The following GNA11 variants were observed in gnomAD, a reference collection of about 807,000 sequenced individuals.
The protein encoded by GNA11 is guanine nucleotide-binding protein subunit alpha-11.
A neutral mutation model predicts 38.2 loss-of-function variants in GNA11; 8 were observed. That is an observed-to-expected ratio of 0.21 (90% CI 0.12 to 0.38). The LOEUF (loss-of-function observed/expected upper bound fraction) is 0.38. Among genes scored for constraint, GNA11 ranks in the 10% least tolerant of loss-of-function variants. The probability of loss-of-function intolerance (pLI) is 1.00; values close to 1 mark genes in which losing one functional copy is unlikely to be tolerated. For synonymous variants in GNA11, 211 were observed against 221.4 expected (o/e 0.95, Z 0.42); for missense variants, 268 against 516.3 (o/e 0.52, Z 4.66).
At chr19:3,100,356 C>T (rs990297149) in intron 1 of GNA11, among the ~76,000 whole-genome samples, 1 of 152,230 alleles carries the variant, frequency 6.6e-6, no homozygotes, top group Non-Finnish European at 1.5e-5. Context: ...GACCCCTGAC[C>T]CGTGTGTCTT....
chr19:3,115,930 C>T (rs1242811056), intron 4 of GNA11, among the ~76,000 whole-genome samples: 4 of 73,022 alleles, frequency 5.5e-5, no homozygotes, highest in East Asian at 3.5e-4. Context: ...TCATGGGGAC[C>T]GAGGCTGTGA....
Position 3,118,910 on chromosome 19 carries a change from CTG to C in GNA11, c.606-10_606-9del. ...GGCGCCAGGTGGCTGAGTCCTGGCG[CTG>C]TGTCCTTTCAGGATGGTGGATGTGG... On this transcript the variant is annotated splice_polypyrimidine_tract_variant and intron_variant, in intron 4 of 6. Coordinates refer to ENST00000078429, the MANE Select transcript of GNA11 (RefSeq NM_002067.5). The C allele has an allele frequency of 6.2e-7, 1 of 1,607,198 alleles. No homozygotes were observed. The highest frequency in any genetic ancestry group is 2.2e-5 in the East Asian group (1 of 44,820).
chr19:3,099,111 T>A (rs1568278716), intron 1 of GNA11, among the ~76,000 whole-genome samples: 1 of 152,254 alleles, frequency 6.6e-6, no homozygotes, highest in East Asian at 1.9e-4. Context: ...GGAGCCTGTC[T>A]CTGTCTGGGA....
chr19:3,099,305 C>T (rs1023814145), intron 1 of GNA11, among the ~76,000 whole-genome samples: 1 of 152,198 alleles, frequency 6.6e-6, no homozygotes, highest in Non-Finnish European at 1.5e-5. Flanking sequence ...CTGGGCACCC[C>T]AGCTTGTGCG....
In GNA11 at chr19:3,122,811, C is replaced by T. The variant is rs1204473394; in HGVS notation, c.*1632C>T. The T allele has an allele frequency of 8.6e-6, 2 of 233,680 alleles. No individual in the cohort carries two copies. Among genetic ancestry groups the T allele is most frequent in the African/African-American group, 4.4e-5 (2 of 45,380 alleles). 14.5% of individuals were successfully genotyped at this position (233,680 alleles called of 1,614,324 possible). ...CCACTGTCAGGCCTGCCCTGGCCTC[C>T]TCGTCCGCAGGGCTGTCTGCTGGCT... On this transcript the variant is annotated 3_prime_UTR_variant, in exon 7 of 7. Transcript: ENST00000078429. The surrounding 1 kb of genome is among the most constrained non-coding windows in gnomAD (Gnocchi z 7.7).
intron 1 of GNA11, among the ~76,000 whole-genome samples, chr19:3,095,157 C>G (rs1913333703): frequency 6.6e-6 from 1 of 152,122 alleles, no homozygotes; most frequent in Non-Finnish European, 1.5e-5. Flanking sequence ...TCAGCCCCTG[C>G]CTTAACTGTT....
At position 3,122,092 on chromosome 19, in the gene GNA11, G is replaced by A. The variant is rs1002187712; in HGVS notation, c.*913G>A. 3 of 233,196 alleles carry A rather than the reference G, an allele frequency of 1.3e-5. No individual in the cohort carries two copies. Among genetic ancestry groups the A allele is most frequent in the Non-Finnish European group, 2.5e-5 (3 of 117,826 alleles). 14.4% of individuals were successfully genotyped at this position (233,196 alleles called of 1,614,324 possible). ...AGCGCACCCCACCGGAGCCCACGTG[G>A]GCTGGGCGGCTGGAGGGATGGTCCC... On this transcript the variant is annotated 3_prime_UTR_variant, in exon 7 of 7. Transcript: ENST00000078429. This position sits in a 1 kb window ranked among gnomAD's most constrained non-coding sequence, Gnocchi z 7.7.
In GNA11 at chr19:3,115,053, C is replaced by T. The variant is rs1210308648; in HGVS notation, c.586C>T (p.Leu196=). 2 of 1,613,276 alleles carry T rather than the reference C, an allele frequency of 1.2e-6. No individual in the cohort carries two copies. The highest frequency in any genetic ancestry group is 1.7e-6 in the Non-Finnish European group (2 of 1,179,864). Residue 196 remains leucine, a synonymous_variant, in exon 4 of 7, where the codon CTG becomes TTG. Transcript: ENST00000078429. ...TTGIIEYPFD[L]ENIIFRMVDV... ...CGGCATCATCGAGTACCCTTTCGAC[C>T]TGGAGAACATCATCTTCCGGTACCG... is the stretch of plus-strand genomic sequence containing the variant.
Position 3,118,946 on chromosome 19 carries a change from C to T in GNA11, c.628C>T (p.Arg210Trp), listed in dbSNP as rs767395295. 3 of 1,613,444 alleles carry T rather than the reference C, an allele frequency of 1.9e-6. No individual in the cohort carries two copies. The highest frequency in any genetic ancestry group is 2.5e-6 in the Non-Finnish European group (3 of 1,179,412). ...IFRMVDVGGQ[R>W]SERRKWIHCF... ...CAGGATGGTGGATGTGGGGGGCCAGCGGTCGGAGCGGAGGAAGTGGATCCA... is the reference window on the plus strand; with the variant it reads ...CAGGATGGTGGATGTGGGGGGCCAGTGGTCGGAGCGGAGGAAGTGGATCCA... The change falls in exon 5 of 7, where the codon CGG (arginine) becomes TGG (tryptophan). Residue 210 changes from arginine (R) to tryptophan (W), a missense_variant. Arg to Trp is a moderately radical substitution (Grantham distance 101). Transcript: ENST00000078429.
Position 3,108,937 on chromosome 19 carries a change from G to A in GNA11, c.137-1212G>A, listed in dbSNP as rs1240966921. On this transcript the variant is annotated intron_variant, in intron 1 of 6. Transcript: ENST00000078429. This position sits in a 1 kb window ranked among gnomAD's most constrained non-coding sequence, Gnocchi z 4.5. ...GGCCTCTCCGTGAAGCTGCTTGAGG[G>A]TCCTCACAGCGTGGCGGCTGCCTAC... Among the ~76,000 whole-genome samples the A allele has an allele frequency of 6.6e-6, 1 of 152,208 alleles. No homozygotes were observed. Among genetic ancestry groups the A allele is most frequent in the South Asian group, 2.1e-4 (1 of 4,834 alleles).
intron 2 of GNA11, among the ~76,000 whole-genome samples, chr19:3,111,680 G>T (rs763797200): frequency 4.6e-5 from 7 of 152,354 alleles, no homozygotes; most frequent in Non-Finnish European, 7.3e-5. Flanking sequence ...TGCATGCTAC[G>T]CCTGGGAGCA....
At chr19:3,095,704 ACCTGAGGGAGCCTTTGCTTGTTGTC>A (rs1249543595) in intron 1 of GNA11, among the ~76,000 whole-genome samples, 5 of 151,754 alleles carry the variant, frequency 3.3e-5, no homozygotes, top group Admixed American at 2.6e-4. Flanking sequence ...GGCGGTTGAC[ACCTGAGGGAGCCTTTGCTTGTTGTC>A]CCAAGCAGCT....
In GNA11 at chr19:3,094,521, C is replaced by T. The variant is rs1169980062; in HGVS notation, c.-131C>T. 1 of 180,680 alleles carries T rather than the reference C, an allele frequency of 5.5e-6. No homozygotes were observed. The highest frequency in any genetic ancestry group is 2.4e-5 in the African/African-American group (1 of 40,990). 11.2% of individuals were successfully genotyped at this position (180,680 alleles called of 1,614,324 possible). Reference sequence around the variant, plus strand: ...GGCGGCCGAGGCGGGGCGGGCCGGCCCGGGGCCGAGGGCCGGTGGCCGAGG... The same window carrying T: ...GGCGGCCGAGGCGGGGCGGGCCGGCTCGGGGCCGAGGGCCGGTGGCCGAGG... On this transcript the variant is annotated 5_prime_UTR_variant, in exon 1 of 7. Transcript: ENST00000078429. This position sits in a 1 kb window ranked among gnomAD's most constrained non-coding sequence, Gnocchi z 6.0.
chr19:3,094,471 G>C lies in GNA11; in HGVS notation c.-181G>C, dbSNP rs1225753171. ...GGAGTCCGCGGCTGGCGCGGCCCGA[G>C]CGGGGACCCGGCGGCTCGCCAGGCG... On this transcript the variant is annotated 5_prime_UTR_variant, in exon 1 of 7. Transcript: ENST00000078429. The surrounding 1 kb of genome is among the most constrained non-coding windows in gnomAD (Gnocchi z 6.0). 1 of 147,276 alleles carries C rather than the reference G, an allele frequency of 6.8e-6. No homozygotes were observed. Among genetic ancestry groups the C allele is most frequent in the African/African-American group, 2.4e-5 (1 of 40,824 alleles). The allele number at this position is 147,276 out of a possible 1,614,324, so 9.1% of individuals were successfully genotyped here.
Position 3,094,666 on chromosome 19 carries a change from C to T in GNA11, c.15C>T (p.Ser5=), listed in dbSNP as rs1913317282. The change falls in exon 1 of 7, where the codon TCC becomes TCT. Residue 5 remains serine (S), a synonymous_variant. Coordinates refer to ENST00000078429, the MANE Select transcript of GNA11 (RefSeq NM_002067.5). This position sits in a 1 kb window ranked among gnomAD's most constrained non-coding sequence, Gnocchi z 6.0. MTLE[S]MMACCLSDEV... is the part of the protein sequence containing the mutation. ...GGGCCGGGACGATGACTCTGGAGTC[C>T]ATGATGGCGTGTTGCCTGAGCGATG... 1 of 1,545,838 alleles carries T rather than the reference C, an allele frequency of 6.5e-7. No homozygotes were observed. Among genetic ancestry groups the T allele is most frequent in the South Asian group, 1.2e-5 (1 of 84,602 alleles).
At chr19:3,102,087 G>T (rs1425276717) in intron 1 of GNA11, among the ~76,000 whole-genome samples, 1 of 151,906 alleles carries the variant, frequency 6.6e-6, no homozygotes, top group Non-Finnish European at 1.5e-5. Context: ...CCGAGGGAGA[G>T]GTTCTGTCTC....
intron 4 of GNA11, chr19:3,118,700 T>G (rs1913986199): frequency 1.9e-6 from 1 of 531,048 alleles, no homozygotes; most frequent in African/African-American, 1.9e-5. Context: ...CCCAGTGGTC[T>G]CAGGCCCCTT....
rs1195157971 is a variant in GNA11, at chr19:3,122,863, C to T, written c.*1684C>T. On this transcript the variant is annotated 3_prime_UTR_variant, in exon 7 of 7. Coordinates refer to ENST00000078429, the MANE Select transcript of GNA11 (RefSeq NM_002067.5). This position sits in a 1 kb window ranked among gnomAD's most constrained non-coding sequence, Gnocchi z 7.7. ...CTGGGGGCAGAAGAGCGGGGAGCCC[C>T]GTGGAAGGGTCAGGGGAGACCAGGT... 3.9e-5 allele frequency: 9 copies of T among 233,370 alleles called. No individual in the cohort carries two copies. The highest frequency in any genetic ancestry group is 2.2e-4 in the Admixed American group (4 of 17,780). The allele number at this position is 233,370 out of a possible 1,614,324, so 14.5% of individuals were successfully genotyped here.
intron 4 of GNA11, chr19:3,117,137 C>G (rs779800230): frequency 6.6e-6 from 1 of 152,272 alleles, no homozygotes; most frequent in Non-Finnish European, 1.5e-5. Context: ...TATATTGTTA[C>G]GAGAATTCAA....
Sources: allele counts gnomAD v4.1 joint callset (sites outside exome capture counted in the v4.1 genomes callset), GRCh38; gene constraint gnomAD v4.1.1; non-coding constraint Gnocchi (gnomAD v3.1); transcripts MANE v1.5; gene names NCBI Gene and HGNC (gene_info 2026-07-23, HGNC 2026-07-21).